TBC1D5: variants seen among roughly 807,000 people sequenced by gnomAD.
TBC1D5 encodes TBC1 domain family, member 5.
In TBC1D5, 75 loss-of-function variants were observed where a neutral mutation model predicts 100.3. That is an observed-to-expected ratio of 0.75 (90% CI 0.62 to 0.91). The LOEUF is 0.91. Ranked by LOEUF, TBC1D5 falls within the 40% of genes least tolerant of loss-of-function variation. The pLI is 0.00. For missense variants in TBC1D5, 910 were observed against 942.4 expected, an observed-to-expected ratio of 0.97 and a Z score of 0.45; for synonymous variants, 323 against 325.6, an observed-to-expected ratio of 0.99 and a Z score of 0.09.
At chr3:17,732,026 A>AAGAT (rs2076602283) in intron 1 of TBC1D5, among the ~76,000 whole-genome samples, 1 of 152,130 alleles carries the variant, frequency 6.6e-6, no homozygotes, top group South Asian at 2.1e-4. Flanking sequence ...CTAAGATAAC[A>AAGAT]GACTCTTCGG....
chr3:17,186,034 G>GT (rs1352828832), intron 18 of TBC1D5, among the ~76,000 whole-genome samples: 418 of 134,584 alleles, frequency 3.1e-3, no homozygotes, highest in Middle Eastern at 3.8e-3. Flanking sequence ...GATTATCGGA[G>GT]TTTTTTTTTT....
intron 19 of TBC1D5, among the ~76,000 whole-genome samples, chr3:17,177,929 T>C (rs1330528826): frequency 6.6e-6 from 1 of 152,196 alleles, no homozygotes; most frequent in African/African-American, 2.4e-5. Context: ...TCAATTGTTT[T>C]TATTTTTAGA....
intron 17 of TBC1D5, among the ~76,000 whole-genome samples, chr3:17,226,950 G>T (rs2074963752): frequency 6.6e-6 from 1 of 152,086 alleles, no homozygotes; most frequent in Admixed American, 6.5e-5. Flanking sequence ...AAACATCAGG[G>T]AATGAGCCCT....
At chr3:17,708,932 A>G (rs958804187) in intron 1 of TBC1D5, among the ~76,000 whole-genome samples, 6 of 152,232 alleles carry the variant, frequency 3.9e-5, no homozygotes, top group African/African-American at 1.2e-4. Flanking sequence ...AATAACAGGT[A>G]CATATGCACC....
At chr3:17,416,486 A>G (rs976937630) in intron 4 of TBC1D5, among the ~76,000 whole-genome samples, 2 of 152,234 alleles carry the variant, frequency 1.3e-5, no homozygotes, top group African/African-American at 2.4e-5. Flanking sequence ...AGTAACAACT[A>G]TAACGTTTCA....
exon 21 of TBC1D5, chr3:17,166,858 A>G: frequency 1.9e-6 from 3 of 1,614,144 alleles, no homozygotes; most frequent in Non-Finnish European, 2.5e-6. Flanking sequence ...CGCAATGGTG[A>G]TCTGTTCGTT....
chr3:17,251,430 C>CA (rs200670502), intron 16 of TBC1D5, among the ~76,000 whole-genome samples: 1 of 141,304 alleles, frequency 7.1e-6, no homozygotes, highest in Non-Finnish European at 1.6e-5. Flanking sequence ...CGGGAACCCC[C>CA]CCCCCCCCAG....
chr3:17,737,424 A>G (rs2077043557), intron 1 of TBC1D5, among the ~76,000 whole-genome samples: 1 of 152,226 alleles, frequency 6.6e-6, no homozygotes. Flanking sequence ...AGTATCTCTC[A>G]AGGCAAGACA....
intron 13 of TBC1D5, among the ~76,000 whole-genome samples, chr3:17,344,939 C>T (rs567414967): frequency 9.9e-5 from 15 of 152,170 alleles, no homozygotes; most frequent in African/African-American, 2.6e-4. Context: ...AAGACTTAAA[C>T]GTTAGACCTA....
chr3:17,458,377 C>A (rs2095134261), intron 3 of TBC1D5, among the ~76,000 whole-genome samples: 1 of 152,148 alleles, frequency 6.6e-6, no homozygotes, highest in African/African-American at 2.4e-5. Context: ...AGATTATTCC[C>A]CCTCAGGCTA....
At chr3:17,538,814 G>T (rs141889252) in intron 2 of TBC1D5, among the ~76,000 whole-genome samples, 1 of 152,164 alleles carries the variant, frequency 6.6e-6, no homozygotes, top group South Asian at 2.1e-4. Context: ...TAAGGCAGGC[G>T]GATCACTTGA....
intron 1 of TBC1D5, among the ~76,000 whole-genome samples, chr3:17,738,793 A>C (rs1459895003): frequency 6.6e-6 from 1 of 152,182 alleles, no homozygotes; most frequent in Non-Finnish European, 1.5e-5. Flanking sequence ...AACAAGAGAG[A>C]ATTTGGGACA....
At chr3:17,414,096 A>T (rs1000575946) in intron 4 of TBC1D5, among the ~76,000 whole-genome samples, 3 of 152,168 alleles carry the variant, frequency 2.0e-5, no homozygotes, top group African/African-American at 4.8e-5. Context: ...CTCAGAGATG[A>T]TCATGGAGTT....
chr3:17,215,691 C>T (rs970920787), intron 17 of TBC1D5, among the ~76,000 whole-genome samples: 4 of 152,028 alleles, frequency 2.6e-5, no homozygotes, highest in African/African-American at 4.8e-5. Flanking sequence ...GGATTTAGGA[C>T]CACAGATTGG....
At chr3:17,422,855 C>A (rs1161943512) in intron 4 of TBC1D5, among the ~76,000 whole-genome samples, 2 of 151,974 alleles carry the variant, frequency 1.3e-5, no homozygotes, top group Non-Finnish European at 2.9e-5. Flanking sequence ...AAGATACATA[C>A]AAAATTATTG....
intron 2 of TBC1D5, among the ~76,000 whole-genome samples, chr3:17,548,299 G>C (rs553090693): frequency 3.9e-5 from 6 of 152,264 alleles, no homozygotes; most frequent in Admixed American, 1.3e-4. Context: ...GGGCAACAAA[G>C]CGAGACTCGG....
At chr3:17,278,316 A>G (rs924435108) in intron 15 of TBC1D5, among the ~76,000 whole-genome samples, 4 of 152,180 alleles carry the variant, frequency 2.6e-5, no homozygotes, top group Non-Finnish European at 4.4e-5. Context: ...CCAGTGGTAT[A>G]CAGCAGGGGT....
At chr3:17,372,995 T>C (rs917093657) in intron 12 of TBC1D5, among the ~76,000 whole-genome samples, 6 of 152,178 alleles carry the variant, frequency 3.9e-5, no homozygotes, top group Admixed American at 2.6e-4. Flanking sequence ...ACTGTAATGA[T>C]CATGCAGCCA....
At chr3:17,197,692 T>A (rs1367627031) in intron 18 of TBC1D5, among the ~76,000 whole-genome samples, 1 of 152,182 alleles carries the variant, frequency 6.6e-6, no homozygotes, top group Non-Finnish European at 1.5e-5. Context: ...TTTTAATGCA[T>A]GTCTTTGCAT....
Sources: gnomAD v4.1 joint callset for allele counts (sites outside exome capture counted in the v4.1 genomes callset) on GRCh38, gnomAD v4.1.1 for gene constraint, MANE v1.5 for transcripts, NCBI Gene and HGNC (gene_info 2026-07-23, HGNC 2026-07-21) for gene names.